Variants in CTNNA3 observed in about 807,000 individuals in gnomAD.
CTNNA3 encodes the protein catenin alpha 3.
A neutral mutation model predicts 95.7 loss-of-function variants in CTNNA3; 76 were observed. That is an observed-to-expected ratio of 0.79 (90% CI 0.66 to 0.96). The LOEUF (loss-of-function observed/expected upper bound fraction) is 0.96, where lower values mean the gene tolerates loss of function less well. Among genes scored for constraint, CTNNA3 ranks in the 40% least tolerant of loss-of-function variants. The probability of loss-of-function intolerance (pLI) is 0.00; values close to 1 mark genes in which losing one functional copy is unlikely to be tolerated. For missense variants in CTNNA3, 1,191 were observed against 1,089.8 expected, an observed-to-expected ratio of 1.09 and a Z score of -1.31; for synonymous variants, 431 against 374.4, an observed-to-expected ratio of 1.15 and a Z score of -1.74.
chr10:65,960,123 C>T (rs2077812872), intron 17 of CTNNA3, among the ~76,000 whole-genome samples: 1 of 152,166 alleles, frequency 6.6e-6, no homozygotes, highest in Non-Finnish European at 1.5e-5. Context: ...ACTACTCTTT[C>T]CATTTTACCA....
intron 5 of CTNNA3, among the ~76,000 whole-genome samples, chr10:67,433,349 T>C (rs1010500134): frequency 1.3e-5 from 2 of 151,928 alleles, no homozygotes; most frequent in Non-Finnish European, 1.5e-5. Flanking sequence ...ACAATTACAG[T>C]AGTAACATCA....
At chr10:67,251,587 A>G (rs954821508) in intron 5 of CTNNA3, among the ~76,000 whole-genome samples, 5 of 152,184 alleles carry the variant, frequency 3.3e-5, no homozygotes, top group African/African-American at 1.2e-4. Flanking sequence ...TAAAACTCAG[A>G]CTTGAAGGAT....
chr10:66,199,805 A>ATATATATATTTT lies in CTNNA3; in HGVS notation c.1884+80664_1884+80665insAAAATATATATA, dbSNP rs1564756586. Among the ~76,000 whole-genome samples, 21 of 14,288 alleles carry ATATATATATTTT rather than the reference A, an allele frequency of 1.5e-3. 2 individuals are homozygous for ATATATATATTTT. The highest frequency in any genetic ancestry group is 1.4e-3 in the Non-Finnish European group (13 of 9,218). The allele number at this position is 14,288 out of a possible 152,430, so 9.4% of individuals were successfully genotyped here. ...TATATATATATATATATATATATAT[A>ATATATATATTTT]TTTTTTTTTTTTTTTTTTTTTTTTT... On this transcript the variant is annotated intron_variant, in intron 13 of 17. Coordinates refer to ENST00000433211, the MANE Select transcript of CTNNA3 (RefSeq NM_013266.4).
At chr10:66,714,273 T>C (rs1848385125) in intron 9 of CTNNA3, among the ~76,000 whole-genome samples, 3 of 152,288 alleles carry the variant, frequency 2.0e-5, no homozygotes, top group Admixed American at 2.0e-4. Context: ...TGTTGCATGA[T>C]ATTCAATTAA....
At chr10:67,727,678 AAATATAT>A (rs1250851373) in intron 1 of CTNNA3, among the ~76,000 whole-genome samples, 103 of 128,018 alleles carry the variant, frequency 8.0e-4, no homozygotes, top group Middle Eastern at 0.011. Flanking sequence ...TATAATATAT[AAATATAT>A]AATATATAAT....
At chr10:66,432,703 A>T (rs1406751561) in intron 11 of CTNNA3, among the ~76,000 whole-genome samples, 1 of 151,684 alleles carries the variant, frequency 6.6e-6, no homozygotes, top group Non-Finnish European at 1.5e-5. Context: ...TGTGCAGAAC[A>T]TGCAGCTTTG....
At chr10:66,893,079 G>C (rs542600223) in intron 7 of CTNNA3, among the ~76,000 whole-genome samples, 1 of 152,168 alleles carries the variant, frequency 6.6e-6, no homozygotes, top group South Asian at 2.1e-4. Context: ...CTGCTCTTCT[G>C]TGAGTTTTAT....
chr10:65,957,605 C>A (rs1369316791), intron 17 of CTNNA3, among the ~76,000 whole-genome samples: 1 of 152,144 alleles, frequency 6.6e-6, no homozygotes, highest in Non-Finnish European at 1.5e-5. Flanking sequence ...AATATCTCAG[C>A]ATTTGCTTGT....
chr10:66,831,004 T>C (rs1379534165), intron 7 of CTNNA3, among the ~76,000 whole-genome samples: 1 of 152,188 alleles, frequency 6.6e-6, no homozygotes, highest in African/African-American at 2.4e-5. Flanking sequence ...AAATGACAGC[T>C]TTAAAGACAG....
intron 5 of CTNNA3, among the ~76,000 whole-genome samples, chr10:67,362,128 A>C (rs561649312): frequency 6.6e-6 from 1 of 152,240 alleles, no homozygotes; most frequent in Non-Finnish European, 1.5e-5. Flanking sequence ...TCAATAATAA[A>C]AATTCTACCA....
chr10:66,329,545 A>G (rs1186496665), intron 12 of CTNNA3, among the ~76,000 whole-genome samples: 1 of 149,820 alleles, frequency 6.7e-6, no homozygotes, highest in Non-Finnish European at 1.5e-5. Flanking sequence ...CAGCTCTGTC[A>G]TTAGAAACCC....
chr10:67,388,000 G>A (rs1330558731), intron 5 of CTNNA3, among the ~76,000 whole-genome samples: 1 of 151,412 alleles, frequency 6.6e-6, no homozygotes, highest in African/African-American at 2.4e-5. Flanking sequence ...AAAAGCAGAG[G>A]GCCTCTCCTC....
intron 7 of CTNNA3, among the ~76,000 whole-genome samples, chr10:66,901,432 C>G (rs1246475770): frequency 6.6e-6 from 1 of 152,116 alleles, no homozygotes; most frequent in African/African-American, 2.4e-5. Context: ...ATGCCAAATT[C>G]TAAAGACCAT....
chr10:67,137,914 T>C lies in CTNNA3; in HGVS notation c.1047+42403A>G, dbSNP rs559206266. ...AGAATTTAGTATGTAATTTATTTTA[T>C]ATATTTATTTAAATATATAATAAAA... is the stretch of plus-strand genomic sequence containing the variant. On this transcript the variant is annotated intron_variant, in intron 7 of 17. Transcript: ENST00000433211. 2.8e-4 allele frequency among the ~76,000 whole-genome samples: 42 copies of C among 151,210 alleles called. No individual in the cohort carries two copies. The East Asian group carries it at 5.8e-3, about 21-fold the overall frequency.
intron 7 of CTNNA3, among the ~76,000 whole-genome samples, chr10:66,966,929 T>C (rs1327437209): frequency 5.9e-5 from 9 of 152,174 alleles, no homozygotes; most frequent in African/African-American, 2.2e-4. Flanking sequence ...TTCAACTAAA[T>C]GGGAGAATTA....
chr10:66,111,340 T>C (rs1173294611), intron 13 of CTNNA3, among the ~76,000 whole-genome samples: 1 of 152,216 alleles, frequency 6.6e-6, no homozygotes, highest in Non-Finnish European at 1.5e-5. Flanking sequence ...CCTGTGGAAC[T>C]GTGTGCCAAT....
chr10:67,280,578 C>G (rs1839354870), intron 5 of CTNNA3, among the ~76,000 whole-genome samples: 1 of 151,790 alleles, frequency 6.6e-6, no homozygotes, highest in Non-Finnish European at 1.5e-5. Context: ...TACCAGGTCA[C>G]CACACACAAG....
At chr10:67,134,408 G>T (rs1024612921) in intron 7 of CTNNA3, among the ~76,000 whole-genome samples, 7 of 152,068 alleles carry the variant, frequency 4.6e-5, no homozygotes, top group African/African-American at 1.7e-4. Flanking sequence ...CACAAAAAAA[G>T]GAATGTATAT....
At chr10:66,171,271 A>T (rs903713045) in intron 13 of CTNNA3, among the ~76,000 whole-genome samples, 1 of 138,990 alleles carries the variant, frequency 7.2e-6, no homozygotes, top group South Asian at 2.2e-4. Flanking sequence ...GCCTTTATTT[A>T]AAAAAAAAAA....
Sources: allele counts gnomAD v4.1 joint callset (sites outside exome capture counted in the v4.1 genomes callset), GRCh38; gene constraint gnomAD v4.1.1; transcripts MANE v1.5; gene names NCBI Gene and HGNC (gene_info 2026-07-23, HGNC 2026-07-21).